The following ARSG variants were observed in gnomAD, a reference collection of about 807,000 sequenced individuals.
ARSG encodes the protein arylsulfatase G.
Under a neutral mutation model 50.5 loss-of-function variants are expected in ARSG, and 37 were observed. The observed-to-expected ratio is 0.73, with a 90% CI of 0.56 to 0.96. ARSG has a LOEUF of 0.96. ARSG is among the 50% of genes least tolerant of loss of function. ARSG has a pLI of 0.00. For synonymous variants in ARSG, 225 were observed against 254.6 expected, an observed-to-expected ratio of 0.88 and a Z score of 1.11; for missense variants, 629 against 675.3, an observed-to-expected ratio of 0.93 and a Z score of 0.76.
chr17:68,287,970 T>C (rs1164374996), upstream of ARSG, among the ~76,000 whole-genome samples: 3 of 147,146 alleles, frequency 2.0e-5, no homozygotes, highest in Non-Finnish European at 3.0e-5. Flanking sequence ...TCTCTCTCTC[T>C]CCCCCTCCCT....
At chr17:68,392,371 T>C (rs2147112210) in intron 9 of ARSG, among the ~76,000 whole-genome samples, 1 of 152,246 alleles carries the variant, frequency 6.6e-6, no homozygotes, top group South Asian at 2.1e-4. Flanking sequence ...TAAAAAAAAG[T>C]CACATGAACA....
Position 68,381,643 on chromosome 17 carries a change from T to G in ARSG, c.983-3421T>G, listed in dbSNP as rs577517395. On this transcript the variant is annotated intron_variant, in intron 8 of 11. Coordinates refer to ENST00000621439, the MANE Select transcript of ARSG (RefSeq NM_001267727.2). The surrounding 1 kb of genome is among the most constrained non-coding windows in gnomAD (Gnocchi z 4.1). ...ACAGAAAGCCTGCAGTGACGATGAC[T>G]ATTAGCTACATTTAACTTTGAAACG... 6.6e-6 allele frequency among the ~76,000 whole-genome samples: 1 copy of G among 152,334 alleles called. No homozygotes were observed. Among genetic ancestry groups the G allele is most frequent in the Non-Finnish European group, 1.5e-5 (1 of 68,024 alleles).
chr17:68,396,089 A>C (rs1273054542), intron 10 of ARSG, among the ~76,000 whole-genome samples: 1 of 150,086 alleles, frequency 6.7e-6, no homozygotes, highest in Non-Finnish European at 1.5e-5. Context: ...GCTCACTGCA[A>C]CCTCCGCCTC....
chr17:68,282,272 C>T (rs4312365), intron 1 of ARSG, among the ~76,000 whole-genome samples: 74,318 of 151,432 alleles, frequency 0.49, 20,088 homozygotes, highest in African/African-American at 0.73. Flanking sequence ...AAACACCACA[C>T]GTTCTCACTC....
chr17:68,290,911 G>A (rs1447864015), upstream of ARSG, among the ~76,000 whole-genome samples: 4 of 102,268 alleles, frequency 3.9e-5, no homozygotes, highest in Admixed American at 4.0e-4. Context: ...GTGGCCCTGG[G>A]CATTCCTAAC....
chr17:68,368,734 C>A lies in ARSG; in HGVS notation c.891C>A (p.Leu297=), dbSNP rs769474188. Residue 297 remains leucine (L), a synonymous_variant, in exon 7 of 12, where the codon CTC becomes CTA. Transcript: ENST00000621439. ...VDHTVKENTF[L]WFTGDNGPWA... ...ACACAGTGAAGGAAAACACATTCCT[C>A]TGGTTTACAGGTAAAGTAGTAAAAG... 2 of 1,613,248 alleles carry A rather than the reference C, an allele frequency of 1.2e-6. No individual in the cohort carries two copies. The highest frequency in any genetic ancestry group is 3.4e-5 in the Admixed American group (2 of 59,580).
chr17:68,288,688 C>G (rs911949628), upstream of ARSG, among the ~76,000 whole-genome samples: 1 of 152,254 alleles, frequency 6.6e-6, no homozygotes, highest in Non-Finnish European at 1.5e-5. Context: ...GTCTATACTT[C>G]TATGACAGCC....
chr17:68,275,559 T>C (rs1174594729), intron 1 of ARSG, among the ~76,000 whole-genome samples: 1 of 152,234 alleles, frequency 6.6e-6, no homozygotes, highest in Non-Finnish European at 1.5e-5. Context: ...TTTTTATTTT[T>C]AGTTATAAAA....
At chr17:68,364,097 C>T (rs1249637880) in intron 6 of ARSG, among the ~76,000 whole-genome samples, 1 of 152,122 alleles carries the variant, frequency 6.6e-6, no homozygotes. Flanking sequence ...TCTTCCATTT[C>T]GGATCAGATG....
chr17:68,333,868 C>T (rs1056263011), intron 2 of ARSG, among the ~76,000 whole-genome samples: 1 of 152,088 alleles, frequency 6.6e-6, no homozygotes, highest in African/African-American at 2.4e-5. Flanking sequence ...GCCACATCCA[C>T]ATCCTGGGCT....
intron 2 of ARSG, among the ~76,000 whole-genome samples, chr17:68,335,446 C>CG (rs1360562887): frequency 6.6e-6 from 1 of 150,382 alleles, no homozygotes; most frequent in African/African-American, 2.5e-5. Context: ...CCCAGCTACT[C>CG]GGGAGGCTGA....
intron 6 of ARSG, among the ~76,000 whole-genome samples, chr17:68,361,201 G>T (rs1380614326): frequency 6.6e-6 from 1 of 152,116 alleles, no homozygotes; most frequent in Admixed American, 6.6e-5. Context: ...CCTTAATGGG[G>T]TGGTATTAGG....
In ARSG at chr17:68,313,918, A is replaced by T. The variant is rs145186705; in HGVS notation, c.218+6207A>T. On this transcript the variant is annotated intron_variant, in intron 2 of 11. Transcript: ENST00000621439. Reference sequence around the variant, plus strand: ...GGTCTTGAACTCCTGACCTCAAGTGATTCACCTGCCTTGGCCTCCCAAAGT... The same window carrying T: ...GGTCTTGAACTCCTGACCTCAAGTGTTTCACCTGCCTTGGCCTCCCAAAGT... Among the ~76,000 whole-genome samples, 81 of 152,054 alleles carry T rather than the reference A, an allele frequency of 5.3e-4. No homozygotes were observed. In the East Asian group the frequency reaches 0.016, roughly 29 times the overall value.
At chr17:68,284,157 T>C (rs2075789497) in intron 1 of ARSG, among the ~76,000 whole-genome samples, 2 of 150,542 alleles carry the variant, frequency 1.3e-5, no homozygotes. Context: ...CTGTAATCCT[T>C]TGGGAGGCCA....
rs534782037 is a variant in ARSG, at chr17:68,390,923, G to A, written c.1092-4150G>A. Among the ~76,000 whole-genome samples, 173 of 101,720 alleles carry A rather than the reference G, an allele frequency of 1.7e-3. 1 individual carries two copies. The highest frequency in any genetic ancestry group is 1.3e-3 in the Non-Finnish European group (64 of 51,030). 66.7% of individuals were successfully genotyped at this position (101,720 alleles called of 152,430 possible). On this transcript the variant is annotated intron_variant, in intron 9 of 11. Coordinates refer to ENST00000621439, the MANE Select transcript of ARSG (RefSeq NM_001267727.2). ...ATTACAACTGTGAGCCACTGTGCCCGGTCCTTTTTTTTTTTTTTAATGAAG... is the reference window on the plus strand; with the variant it reads ...ATTACAACTGTGAGCCACTGTGCCCAGTCCTTTTTTTTTTTTTTAATGAAG...
chr17:68,276,785 C>A (rs192914022), intron 1 of ARSG, among the ~76,000 whole-genome samples: 70 of 152,126 alleles, frequency 4.6e-4, no homozygotes, highest in African/African-American at 1.6e-3. Flanking sequence ...TTCAACAGCC[C>A]TTTTCTCTTA....
intron 8 of ARSG, among the ~76,000 whole-genome samples, chr17:68,376,842 T>C (rs2080173986): frequency 6.7e-6 from 1 of 150,176 alleles, no homozygotes; most frequent in African/African-American, 2.5e-5. Context: ...AACGCCAAAG[T>C]TGGAAAAGAC....
intron 2 of ARSG, among the ~76,000 whole-genome samples, chr17:68,339,369 A>C (rs1351651529): frequency 6.6e-6 from 1 of 152,256 alleles, no homozygotes; most frequent in South Asian, 2.1e-4. Context: ...CCATATGCCT[A>C]TAATACTGTT....
At chr17:68,350,185 C>G (rs1473376236) in intron 4 of ARSG, among the ~76,000 whole-genome samples, 1 of 152,074 alleles carries the variant, frequency 6.6e-6, no homozygotes, top group African/African-American at 2.4e-5. Context: ...GCAAAGCCAC[C>G]GAGGCCCCAA....
Sources: allele counts gnomAD v4.1 joint callset (sites outside exome capture counted in the v4.1 genomes callset), GRCh38; gene constraint gnomAD v4.1.1; non-coding constraint Gnocchi (gnomAD v3.1); transcripts MANE v1.5; gene names NCBI Gene and HGNC (gene_info 2026-07-23, HGNC 2026-07-21).